Variants in PPP1R12B observed in about 807,000 individuals in gnomAD.
PPP1R12B encodes the protein protein phosphatase 1 regulatory subunit 12B, also known as myosin phosphatase target subunit 2.
A neutral mutation model predicts 126.1 loss-of-function variants in PPP1R12B; 76 were observed. The observed-to-expected ratio is 0.60, with a 90% CI of 0.50 to 0.73. PPP1R12B has a LOEUF of 0.73. PPP1R12B is among the 30% of genes least tolerant of loss of function. The pLI is 0.00. For missense variants in PPP1R12B, 1,052 were observed against 1,205.1 expected, an observed-to-expected ratio of 0.87 and a Z score of 1.88; for synonymous variants, 356 against 434.7, an observed-to-expected ratio of 0.82 and a Z score of 2.25.
At chr1:202,574,943 G>A (rs561708563) in intron 23 of PPP1R12B, 149 of 1,466,742 alleles carry the variant, frequency 1.0e-4, no homozygotes, top group Non-Finnish European at 1.2e-4. Flanking sequence ...CTCTCCTCTG[G>A]TCTGTCTTGT....
intron 18 of PPP1R12B, among the ~76,000 whole-genome samples, chr1:202,554,661 A>G (rs545311105): frequency 6.6e-6 from 1 of 152,086 alleles, no homozygotes; most frequent in East Asian, 1.9e-4. Context: ...TAATATCTGG[A>G]TCTAGGAAAA....
At chr1:202,511,269 T>C (rs1343307285) in intron 18 of PPP1R12B, among the ~76,000 whole-genome samples, 2 of 151,266 alleles carry the variant, frequency 1.3e-5, no homozygotes, top group Admixed American at 1.3e-4. Flanking sequence ...CAGGCTGGAG[T>C]GCAGTGGCGC....
chr1:202,396,474 G>A (rs182925089), intron 1 of PPP1R12B, among the ~76,000 whole-genome samples: 83 of 152,166 alleles, frequency 5.5e-4, no homozygotes, highest in African/African-American at 2.0e-3. Context: ...AATATATGGG[G>A]CAGTGTTTCA....
At chr1:202,394,991 G>T (rs534749711) in intron 1 of PPP1R12B, among the ~76,000 whole-genome samples, 246 of 151,048 alleles carry the variant, frequency 1.6e-3, no homozygotes, top group African/African-American at 5.7e-3. Flanking sequence ...GGTAGTGGGC[G>T]CTGTAATCCC....
At chr1:202,570,371 A>G (rs1688476934) in intron 23 of PPP1R12B, among the ~76,000 whole-genome samples, 1 of 152,112 alleles carries the variant, frequency 6.6e-6, no homozygotes, top group Non-Finnish European at 1.5e-5. Context: ...CTCATAATCA[A>G]TCCTGTTACT....
At chr1:202,506,209 A>G (rs1680788931) in intron 18 of PPP1R12B, among the ~76,000 whole-genome samples, 1 of 152,214 alleles carries the variant, frequency 6.6e-6, no homozygotes, top group South Asian at 2.1e-4. Flanking sequence ...TTGGCCTCGA[A>G]GGATCTTTCC....
At chr1:202,364,325 G>A (rs986396915) in intron 1 of PPP1R12B, among the ~76,000 whole-genome samples, 9 of 152,174 alleles carry the variant, frequency 5.9e-5, no homozygotes, top group Admixed American at 5.2e-4. Context: ...CAAAGTAATA[G>A]AAACATCAGG....
intron 9 of PPP1R12B, among the ~76,000 whole-genome samples, chr1:202,435,983 G>A (rs1670756111): frequency 6.6e-6 from 1 of 152,082 alleles, no homozygotes; most frequent in African/African-American, 2.4e-5. Context: ...AATTAGACAG[G>A]GTGCAGTGGC....
chr1:202,447,522 AC>A lies in PPP1R12B; in HGVS notation c.1668-1466del, dbSNP rs763056964. 4.6e-4 allele frequency among the ~76,000 whole-genome samples: 70 copies of A among 152,256 alleles called. 2 individuals carry two copies. The highest frequency in any genetic ancestry group is 1.6e-3 in the Admixed American group (25 of 15,286). The stretch of plus-strand genomic sequence containing the variant: ...CAATGAAGAAGAGATCAGAGAGTCT[AC>A]ATTTAAGCAAATGTTGTGTTTCCAA... On this transcript the variant is annotated intron_variant, in intron 12 of 23. Coordinates refer to ENST00000608999, the MANE Select transcript of PPP1R12B (RefSeq NM_002481.4).
At chr1:202,519,423 C>A (rs1472803616) in intron 18 of PPP1R12B, among the ~76,000 whole-genome samples, 2 of 151,880 alleles carry the variant, frequency 1.3e-5, no homozygotes, top group Non-Finnish European at 2.9e-5. Context: ...CACCACTACA[C>A]CCAGCTAATT....
intron 13 of PPP1R12B, among the ~76,000 whole-genome samples, chr1:202,474,326 C>T (rs1453749910): frequency 3.3e-5 from 5 of 151,016 alleles, no homozygotes; most frequent in African/African-American, 9.8e-5. Flanking sequence ...CCACTCTTGT[C>T]GCCCAGGTTG....
At chr1:202,526,217 T>G (rs1307432526) in intron 18 of PPP1R12B, among the ~76,000 whole-genome samples, 2 of 152,176 alleles carry the variant, frequency 1.3e-5, no homozygotes, top group Non-Finnish European at 2.9e-5. Flanking sequence ...TGGTTAAATG[T>G]GGTAATAGTT....
At chr1:202,383,528 A>G (rs1662665619) in intron 1 of PPP1R12B, among the ~76,000 whole-genome samples, 1 of 152,114 alleles carries the variant, frequency 6.6e-6, no homozygotes, top group Admixed American at 6.6e-5. Flanking sequence ...GTTAAAGACC[A>G]GCCTGGCCAA....
chr1:202,559,396 A>AT (rs1222854554), intron 19 of PPP1R12B, among the ~76,000 whole-genome samples: 1 of 152,196 alleles, frequency 6.6e-6, no homozygotes, highest in Non-Finnish European at 1.5e-5. Flanking sequence ...AAAATACCTT[A>AT]TACCTAGATG....
chr1:202,479,833 C>G (rs1340866880), intron 13 of PPP1R12B, among the ~76,000 whole-genome samples: 2 of 152,174 alleles, frequency 1.3e-5, no homozygotes, highest in Non-Finnish European at 2.9e-5. Context: ...GTGTGGTACT[C>G]AGAAATTTGT....
chr1:202,437,719 T>C (rs907143243), intron 9 of PPP1R12B, 102 bp from the exon 10 acceptor site: 21 of 1,042,600 alleles, frequency 2.0e-5, no homozygotes, highest in Admixed American at 1.0e-4. Context: ...AGCTACCTTA[T>C]GTTGCCTCGC....
At chr1:202,529,205 C>T (rs956164154) in intron 18 of PPP1R12B, among the ~76,000 whole-genome samples, 1 of 151,130 alleles carries the variant, frequency 6.6e-6, no homozygotes, top group Non-Finnish European at 1.5e-5. Context: ...ATTTACATTG[C>T]ATATGTCAGA....
intron 22 of PPP1R12B, 25 bp downstream of exon 22, chr1:202,567,856 C>G: frequency 6.2e-7 from 1 of 1,611,510 alleles, no homozygotes; most frequent in Non-Finnish European, 8.5e-7. Flanking sequence ...GTTTCCCCCT[C>G]CACCCCATTT....
intron 18 of PPP1R12B, among the ~76,000 whole-genome samples, chr1:202,510,871 T>TAG (rs1269993877): frequency 1.4e-5 from 2 of 146,996 alleles, no homozygotes; most frequent in Non-Finnish European, 3.0e-5. Context: ...CAAGTATATA[T>TAG]ATATTATATA....
Sources: allele counts gnomAD v4.1 joint callset (sites outside exome capture counted in the v4.1 genomes callset), GRCh38; gene constraint gnomAD v4.1.1; transcripts MANE v1.5; gene names NCBI Gene and HGNC (gene_info 2026-07-23, HGNC 2026-07-21).